The following NRG3 variants were observed in gnomAD, a reference collection of about 807,000 sequenced individuals.
The protein encoded by NRG3 is pro-neuregulin-3, membrane-bound isoform.
NRG3 carries 31 observed loss-of-function variants against 66.9 expected under a neutral mutation model. The observed-to-expected ratio is 0.46, with a 90% confidence interval of 0.35 to 0.63. The LOEUF (loss-of-function observed/expected upper bound fraction) is 0.63, where lower values mean the gene tolerates loss of function less well. NRG3 is among the 20% of genes least tolerant of loss of function. NRG3 has a pLI of 0.00. For synonymous variants in NRG3, 393 were observed against 359.4 expected (o/e 1.09, Z -1.06); for missense variants, 910 against 878.9 (o/e 1.04, Z -0.45).
chr10:82,522,702 T>TA (rs78673803), intron 2 of NRG3, among the ~76,000 whole-genome samples: 2,395 of 138,546 alleles, frequency 0.017, 57 homozygotes, highest in African/African-American at 0.055. Flanking sequence ...GCCTGTTTAC[T>TA]AAAAAAAAAA....
chr10:82,388,656 G>A (rs545507177), intron 2 of NRG3, among the ~76,000 whole-genome samples: 1 of 152,206 alleles, frequency 6.6e-6, no homozygotes, highest in South Asian at 2.1e-4. Flanking sequence ...TGGTAAAAAA[G>A]GAATTAGTAC....
At chr10:82,835,521 G>A (rs891223819) in intron 3 of NRG3, among the ~76,000 whole-genome samples, 1 of 152,096 alleles carries the variant, frequency 6.6e-6, no homozygotes, top group Non-Finnish European at 1.5e-5. Context: ...GGTTAGTCTT[G>A]GCTCTCAGTG....
intron 1 of NRG3, among the ~76,000 whole-genome samples, chr10:82,104,706 ATG>A (rs1207855761): frequency 1.3e-5 from 2 of 152,072 alleles, no homozygotes; most frequent in Non-Finnish European, 2.9e-5. Context: ...TGAAGATAGT[ATG>A]TGTTATACGA....
chr10:82,470,358 C>T (rs1590239754), intron 2 of NRG3, among the ~76,000 whole-genome samples: 1 of 152,154 alleles, frequency 6.6e-6, no homozygotes, highest in South Asian at 2.1e-4. Context: ...GTGGCTGAAA[C>T]CCTCTAGGCT....
intron 4 of NRG3, among the ~76,000 whole-genome samples, chr10:82,892,696 T>G (rs1349512550): frequency 6.6e-6 from 1 of 150,416 alleles, no homozygotes; most frequent in African/African-American, 2.5e-5. Flanking sequence ...AATAAATAAA[T>G]AAATAAATAA....
intron 4 of NRG3, among the ~76,000 whole-genome samples, chr10:82,872,685 G>C (rs1841444052): frequency 6.6e-6 from 1 of 151,844 alleles, no homozygotes; most frequent in African/African-American, 2.4e-5. Flanking sequence ...ACATAAGTGA[G>C]GTGACATAAT....
At chr10:82,272,907 C>T (rs1474414378) in intron 1 of NRG3, among the ~76,000 whole-genome samples, 1 of 151,922 alleles carries the variant, frequency 6.6e-6, no homozygotes, top group Non-Finnish European at 1.5e-5. Flanking sequence ...AAACTGTGGG[C>T]CTGTTTAAGG....
intron 2 of NRG3, among the ~76,000 whole-genome samples, chr10:82,421,004 A>C (rs1304251716): frequency 6.6e-6 from 1 of 152,100 alleles, no homozygotes; most frequent in Admixed American, 6.6e-5. Flanking sequence ...TGTTAATTAC[A>C]GGGGCAGCAT....
chr10:82,555,798 A>G (rs2044610335), intron 2 of NRG3, among the ~76,000 whole-genome samples: 2 of 152,244 alleles, frequency 1.3e-5, no homozygotes, highest in African/African-American at 4.8e-5. Flanking sequence ...ATAACATTTT[A>G]TAAACGTAGT....
At chr10:82,891,074 A>G (rs534921454) in intron 4 of NRG3, among the ~76,000 whole-genome samples, 1 of 152,138 alleles carries the variant, frequency 6.6e-6, no homozygotes, top group South Asian at 2.1e-4. Flanking sequence ...CCAACATTAT[A>G]CTTTTTCTAC....
intron 3 of NRG3, among the ~76,000 whole-genome samples, chr10:82,791,854 G>C (rs914219377): frequency 2.0e-5 from 3 of 152,106 alleles, no homozygotes; most frequent in African/African-American, 7.2e-5. Flanking sequence ...CTTTAAGTCA[G>C]GTCAGATAAA....
chr10:82,264,443 C>G (rs191584330), intron 1 of NRG3, among the ~76,000 whole-genome samples: 6 of 152,086 alleles, frequency 3.9e-5, no homozygotes, highest in Admixed American at 6.6e-5. Flanking sequence ...TATCTCCACC[C>G]GGTCCTGCCC....
chr10:82,389,404 T>C (rs186112727), intron 2 of NRG3, among the ~76,000 whole-genome samples: 15 of 152,312 alleles, frequency 9.8e-5, no homozygotes, highest in African/African-American at 3.1e-4. Flanking sequence ...TCAAATACTT[T>C]GCTAAAAAGA....
At chr10:82,603,253 C>G (rs1414260463) in intron 2 of NRG3, among the ~76,000 whole-genome samples, 1 of 152,046 alleles carries the variant, frequency 6.6e-6, no homozygotes, top group African/African-American at 2.4e-5. Context: ...GCTGCTAGAG[C>G]CCCACTCTCG....
chr10:82,432,258 T>C (rs920578292), intron 2 of NRG3, among the ~76,000 whole-genome samples: 5 of 152,160 alleles, frequency 3.3e-5, no homozygotes, highest in Non-Finnish European at 5.9e-5. Flanking sequence ...CAACTTCTCC[T>C]CATTCTTTCC....
intron 2 of NRG3, among the ~76,000 whole-genome samples, chr10:82,603,509 G>A (rs1408716883): frequency 6.6e-6 from 1 of 152,142 alleles, no homozygotes; most frequent in Non-Finnish European, 1.5e-5. Context: ...TCTAACTGTA[G>A]TGCAGTCAGA....
At chr10:82,788,721 A>G (rs1332994185) in intron 3 of NRG3, among the ~76,000 whole-genome samples, 4 of 152,144 alleles carry the variant, frequency 2.6e-5, no homozygotes, top group Non-Finnish European at 5.9e-5. Context: ...CCTCACTGGA[A>G]GCATGCATAT....
intron 1 of NRG3, among the ~76,000 whole-genome samples, chr10:81,902,331 C>G (rs1411568264): frequency 2.0e-5 from 3 of 152,164 alleles, no homozygotes; most frequent in Non-Finnish European, 4.4e-5. Context: ...GGTGTATGGA[C>G]TGTTATGTGT....
chr10:82,628,228 A>G (rs1028387419), intron 2 of NRG3, among the ~76,000 whole-genome samples: 7 of 152,192 alleles, frequency 4.6e-5, no homozygotes, highest in Admixed American at 2.0e-4. Flanking sequence ...TTCATTTTAT[A>G]TATATTTTAG....
Sources: gnomAD v4.1 joint callset for allele counts (sites outside exome capture counted in the v4.1 genomes callset) on GRCh38, gnomAD v4.1.1 for gene constraint, MANE v1.5 for transcripts, NCBI Gene and HGNC (gene_info 2026-07-23, HGNC 2026-07-21) for gene names.